Variants in SIRT5 observed in about 807,000 individuals in gnomAD.
SIRT5 encodes NAD-dependent protein deacylase sirtuin-5, mitochondrial.
SIRT5 carries 26 observed loss-of-function variants against 40.0 expected under a neutral mutation model. That is an observed-to-expected ratio of 0.65 (90% CI 0.48 to 0.90). The LOEUF is 0.90. SIRT5 is among the 40% of genes least tolerant of loss of function. The pLI is 0.00. For synonymous variants in SIRT5, 146 were observed against 149.1 expected (o/e 0.98, Z 0.15); for missense variants, 401 against 402.4 (o/e 1.00, Z 0.03).
At chr6:13,604,369 G>A in intron 9 of SIRT5, 1 of 792,866 alleles carries the variant, frequency 1.3e-6, no homozygotes, top group South Asian at 1.5e-5. Flanking sequence ...CCTCCTGTCT[G>A]TTTGAAAGAC....
chr6:13,585,511 C>A (rs187533762), intron 3 of SIRT5, among the ~76,000 whole-genome samples: 1 of 151,942 alleles, frequency 6.6e-6, no homozygotes, highest in Admixed American at 6.6e-5. Context: ...TCTGTCCTTG[C>A]GATAGTTTTC....
rs577549734 is a variant in SIRT5, at chr6:13,591,568, C to G, written c.250-101C>G. ...CCATCTCCAGCCTGCACCTTCCCGA[C>G]GCTGCCTGTCTCTGCCTTAGGGAGG... is the stretch of plus-strand genomic sequence containing the variant. On this transcript the variant is annotated intron_variant, in intron 4 of 9. Coordinates refer to ENST00000606117, the MANE Select transcript of SIRT5 (RefSeq NM_012241.5). 2.3e-4 allele frequency: 227 copies of G among 988,806 alleles called. No homozygotes were observed. In the African/African-American group the frequency reaches 3.3e-3, roughly 15 times the overall value. 61.3% of individuals were successfully genotyped at this position (988,806 alleles called of 1,614,324 possible). A position where few individuals can be genotyped will look rare whatever the true frequency, so the allele number is the denominator to read the frequency against.
intron 7 of SIRT5, among the ~76,000 whole-genome samples, chr6:13,598,218 A>G (rs183342024): frequency 2.8e-4 from 42 of 152,302 alleles, no homozygotes; most frequent in Middle Eastern, 3.4e-3. Context: ...TATGATGAAA[A>G]TGGTGTTTGG....
intron 2 of SIRT5, among the ~76,000 whole-genome samples, chr6:13,579,970 G>A (rs1246863977): frequency 6.6e-6 from 1 of 152,164 alleles, no homozygotes; most frequent in African/African-American, 2.4e-5. Flanking sequence ...GAAGATCATG[G>A]CAATCCATTT....
chr6:13,598,940 GGAT>G, intron 7 of SIRT5, 89 bp from the exon 8 acceptor site: 1 of 1,502,776 alleles, frequency 6.7e-7, no homozygotes, highest in South Asian at 1.3e-5. Context: ...TGACCCATCT[GGAT>G]GTACTAGGTT....
At chr6:13,592,980 C>T (rs1761131857) in intron 5 of SIRT5, among the ~76,000 whole-genome samples, 1 of 146,222 alleles carries the variant, frequency 6.8e-6, no homozygotes, top group African/African-American at 2.5e-5. Flanking sequence ...GTAGCCTGAT[C>T]ATAGCTCATT....
chr6:13,602,238 G>A (rs1054309200), intron 9 of SIRT5, among the ~76,000 whole-genome samples: 4 of 152,076 alleles, frequency 2.6e-5, no homozygotes, highest in African/African-American at 7.2e-5. Context: ...GCAATTAATT[G>A]AAAAGATTAA....
At position 13,614,669 on chromosome 6, in the gene SIRT5, T is replaced by C. The variant is rs1764200083; in HGVS notation, c.*2804T>C. 1 of 152,248 alleles carries C rather than the reference T, an allele frequency of 6.6e-6. No homozygotes were observed. Among genetic ancestry groups the C allele is most frequent in the Non-Finnish European group, 1.5e-5 (1 of 68,054 alleles). The allele number at this position is 152,248 out of a possible 1,614,324, so 9.4% of individuals were successfully genotyped here. Reference sequence around the variant, plus strand: ...GCCACGGGCCAGCTGCTGTTCCAGGTCGTGGGTTAGGGCCCGGCACCAGGA... The same window carrying C: ...GCCACGGGCCAGCTGCTGTTCCAGGCCGTGGGTTAGGGCCCGGCACCAGGA... On this transcript the variant is annotated 3_prime_UTR_variant, in exon 10 of 10. Coordinates refer to ENST00000606117, the MANE Select transcript of SIRT5 (RefSeq NM_012241.5).
Position 13,615,046 on chromosome 6 carries a change from CA to C in SIRT5, c.*3182del. 2.8e-6 allele frequency: 1 copy of C among 360,068 alleles called. No individual in the cohort carries two copies. Among genetic ancestry groups the C allele is most frequent in the Non-Finnish European group, 5.0e-6 (1 of 198,310 alleles). The allele number at this position is 360,068 out of a possible 1,614,324, so 22.3% of individuals were successfully genotyped here. On this transcript the variant is annotated 3_prime_UTR_variant, in exon 10 of 10. Coordinates refer to ENST00000606117, the MANE Select transcript of SIRT5 (RefSeq NM_012241.5). ...GAGCACCGGACAGCGTGAGCCGTGC[CA>C]GCCCTGTCTCGCCATCCCAGCCGAG...
At position 13,611,040 on chromosome 6, in the gene SIRT5, T is replaced by C. The variant is rs376399227; in HGVS notation, c.858-750T>C. On this transcript the variant is annotated intron_variant, in intron 9 of 9. Transcript: ENST00000606117. Reference sequence around the variant, plus strand: ...TCTTCTTTTTTCTCCTTCCTCTTTCTCTTTTTTCTAACTACACCTCAGAAG... The same window carrying C: ...TCTTCTTTTTTCTCCTTCCTCTTTCCCTTTTTTCTAACTACACCTCAGAAG... Among the ~76,000 whole-genome samples, 4 of 151,954 alleles carry C rather than the reference T, an allele frequency of 2.6e-5. No individual in the cohort carries two copies. In the East Asian group the frequency reaches 7.7e-4, roughly 29 times the overall value.
At chr6:13,593,059 A>T (rs1761142740) in intron 5 of SIRT5, among the ~76,000 whole-genome samples, 1 of 151,844 alleles carries the variant, frequency 6.6e-6, no homozygotes. Context: ...GACTACAGGC[A>T]CATGCCACCA....
At chr6:13,591,136 GTGTT>G (rs1247369259) in intron 4 of SIRT5, among the ~76,000 whole-genome samples, 3 of 151,976 alleles carry the variant, frequency 2.0e-5, no homozygotes, top group Non-Finnish European at 4.4e-5. Flanking sequence ...TGAGTTGTGT[GTGTT>G]TAGTTGTGTG....
At chr6:13,578,139 T>G (rs1380903827) in intron 1 of SIRT5, among the ~76,000 whole-genome samples, 2 of 152,212 alleles carry the variant, frequency 1.3e-5, no homozygotes, top group Non-Finnish European at 2.9e-5. Flanking sequence ...CATCTTTGCA[T>G]TCCAGGGATA....
chr6:13,582,445 C>T (rs1759468934), intron 2 of SIRT5, among the ~76,000 whole-genome samples: 2 of 152,086 alleles, frequency 1.3e-5, no homozygotes, highest in Admixed American at 6.6e-5. Flanking sequence ...ATCCCCTGAA[C>T]TCATTTCATC....
rs199618841 is a variant in SIRT5, at chr6:13,605,563, T to C, written c.857+4614T>C. ...AGTTGTTCAGATTCTTTGCCCCAGT[T>C]CTAATCTAGTGACAAAGGCATAGAA... is the stretch of plus-strand genomic sequence containing the variant. On this transcript the variant is annotated intron_variant, in intron 9 of 9. Coordinates refer to ENST00000606117, the MANE Select transcript of SIRT5 (RefSeq NM_012241.5). 1.8e-5 allele frequency: 18 copies of C among 985,344 alleles called. No homozygotes were observed. The African/African-American group carries it at 2.8e-4, about 15-fold the overall frequency. The allele number at this position is 985,344 out of a possible 1,614,324, so 61.0% of individuals were successfully genotyped here. A position where few individuals can be genotyped will look rare whatever the true frequency, so the allele number is the denominator to read the frequency against.
At chr6:13,589,822 A>T (rs1356019586) in intron 4 of SIRT5, among the ~76,000 whole-genome samples, 2 of 152,192 alleles carry the variant, frequency 1.3e-5, no homozygotes, top group East Asian at 3.9e-4. Context: ...AGGAGCTCGG[A>T]GGAGGGGCGC....
rs534665289 is a variant in SIRT5 at position 13,577,363 on chromosome 6, C to A, written c.-194-2088C>A. Reference sequence around the variant, plus strand: ...GGTTTTCAGTGTACAGGTCTTATATCTTTGGTTAAATTTACCTGAAGTGGT... The same window carrying A: ...GGTTTTCAGTGTACAGGTCTTATATATTTGGTTAAATTTACCTGAAGTGGT... On this transcript the variant is annotated intron_variant, in intron 1 of 9. Transcript: ENST00000606117. 2.7e-3 allele frequency among the ~76,000 whole-genome samples: 410 copies of A among 152,140 alleles called. 1 individual carries two copies. The highest frequency in any genetic ancestry group is 4.9e-3 in the Non-Finnish European group (330 of 67,978).
Position 13,591,660 on chromosome 6 carries a change from C to T in SIRT5, c.250-9C>T. 1 of 1,532,870 alleles carries T rather than the reference C, an allele frequency of 6.5e-7. No homozygotes were observed. Among genetic ancestry groups the T allele is most frequent in the Non-Finnish European group, 8.8e-7 (1 of 1,132,444 alleles). 95.0% of individuals were successfully genotyped at this position (1,532,870 alleles called of 1,614,324 possible). On this transcript the variant is annotated splice_polypyrimidine_tract_variant and intron_variant, in intron 4 of 9. Coordinates refer to ENST00000606117, the MANE Select transcript of SIRT5 (RefSeq NM_012241.5). Reference sequence around the variant, plus strand: ...CCTCCCTCACTCCTGCCTCCTCTCCCACTCCCAGGACCTGGCGACTCCCCT... The same window carrying T: ...CCTCCCTCACTCCTGCCTCCTCTCCTACTCCCAGGACCTGGCGACTCCCCT...
chr6:13,580,406 A>C (rs1253025297), intron 2 of SIRT5, among the ~76,000 whole-genome samples: 1 of 152,164 alleles, frequency 6.6e-6, no homozygotes, highest in East Asian at 1.9e-4. Context: ...AAATAAAGAT[A>C]ATGTAATTTT....
Sources: allele counts gnomAD v4.1 joint callset (sites outside exome capture counted in the v4.1 genomes callset), GRCh38; gene constraint gnomAD v4.1.1; transcripts MANE v1.5; gene names NCBI Gene and HGNC (gene_info 2026-07-23, HGNC 2026-07-21).